Variants in GNAI1 observed in about 807,000 individuals in gnomAD.
GNAI1 encodes the protein G protein subunit alpha i1, also known as guanine nucleotide-binding protein G(i) subunit alpha-1.
In GNAI1, 11 loss-of-function variants were observed where a neutral mutation model predicts 38.9. That is an observed-to-expected ratio of 0.28 (90% confidence interval 0.18 to 0.47). The LOEUF (loss-of-function observed/expected upper bound fraction) is 0.47, where lower values mean the gene tolerates loss of function less well. Among genes scored for constraint, GNAI1 ranks in the 20% least tolerant of loss-of-function variants. The probability of loss-of-function intolerance (pLI) is 0.99; values close to 1 mark genes in which losing one functional copy is unlikely to be tolerated. For missense variants in GNAI1, 317 were observed against 436.9 expected (o/e 0.73, Z 2.45); for synonymous variants, 166 against 145.1 (o/e 1.14, Z -1.04).
At chr7:80,148,696 G>T (rs926948312) in intron 1 of GNAI1, among the ~76,000 whole-genome samples, 3 of 151,998 alleles carry the variant, frequency 2.0e-5, no homozygotes, top group Non-Finnish European at 4.4e-5. Flanking sequence ...TTTTAGAATT[G>T]AATGGTTGTG....
Position 80,135,237 on chromosome 7 carries a change from A to G in GNAI1, c.77A>G (p.Asp26Gly). Reference sequence around the variant, plus strand: ...ATGATCGACCGCAACCTCCGTGAGGACGGCGAGAAGGCGGCGCGCGAGGTC... The same window carrying G: ...ATGATCGACCGCAACCTCCGTGAGGGCGGCGAGAAGGCGGCGCGCGAGGTC... The part of the protein sequence containing the change: ...SKMIDRNLRE[D>G]GEKAAREVKL... The change falls in exon 1 of 8, where the codon GAC (aspartate) becomes GGC (glycine). Residue 26 changes from aspartate (D) to glycine (G), a missense_variant. Coordinates refer to ENST00000649796, the MANE Select transcript of GNAI1 (RefSeq NM_002069.6). The G allele has an allele frequency of 6.5e-7, 1 of 1,541,992 alleles. No individual in the cohort carries two copies. The highest frequency in any genetic ancestry group is 1.9e-5 in the Admixed American group (1 of 52,942).
chr7:80,146,811 T>C (rs1319017251), intron 1 of GNAI1, among the ~76,000 whole-genome samples: 2 of 152,214 alleles, frequency 1.3e-5, no homozygotes, highest in Admixed American at 6.5e-5. Flanking sequence ...CCTATCACTT[T>C]ATCAGTAAGG....
At chr7:80,186,493 T>G (rs1048199872) in intron 1 of GNAI1, among the ~76,000 whole-genome samples, 8 of 150,426 alleles carry the variant, frequency 5.3e-5, no homozygotes, top group Non-Finnish European at 1.2e-4. Context: ...GGAAAATTTG[T>G]TTTTTTTTCT....
At chr7:80,185,573 C>T (rs1788372084) in intron 1 of GNAI1, among the ~76,000 whole-genome samples, 1 of 152,110 alleles carries the variant, frequency 6.6e-6, no homozygotes, top group South Asian at 2.1e-4. Context: ...AAACGCTAGC[C>T]CCAAACTCCT....
At chr7:80,135,531 C>G (rs937740387) in intron 1 of GNAI1, 149 of 388,572 alleles carry the variant, frequency 3.8e-4, no homozygotes, top group Admixed American at 1.3e-3. Flanking sequence ...TTTCGTGCGA[C>G]CCAGCAAAGA....
chr7:80,216,578 G>A (rs1788973138), intron 7 of GNAI1, among the ~76,000 whole-genome samples: 1 of 152,116 alleles, frequency 6.6e-6, no homozygotes, highest in South Asian at 2.1e-4. Flanking sequence ...ATTAATTCAT[G>A]TTACTGAGTA....
intron 4 of GNAI1, among the ~76,000 whole-genome samples, chr7:80,201,129 G>T (rs960547051): frequency 6.6e-6 from 1 of 152,204 alleles, no homozygotes; most frequent in African/African-American, 2.4e-5. Flanking sequence ...TCATAAACCA[G>T]ACATCACAGA....
At chr7:80,196,942 C>G (rs1329510411) in intron 3 of GNAI1, among the ~76,000 whole-genome samples, 1 of 151,802 alleles carries the variant, frequency 6.6e-6, no homozygotes, top group African/African-American at 2.4e-5. Flanking sequence ...CAGTTAAAAC[C>G]TGTTTAACAA....
At chr7:80,136,489 T>C (rs1012154971) in intron 1 of GNAI1, among the ~76,000 whole-genome samples, 1 of 152,178 alleles carries the variant, frequency 6.6e-6, no homozygotes, top group Non-Finnish European at 1.5e-5. Flanking sequence ...TGACTAAAAG[T>C]AATAATGATC....
chr7:80,142,167 G>GC (rs1787538242), intron 1 of GNAI1, among the ~76,000 whole-genome samples: 1 of 151,820 alleles, frequency 6.6e-6, no homozygotes, highest in African/African-American at 2.4e-5. Context: ...TTTAGCCTCT[G>GC]CCCATTGCCC....
At chr7:80,194,682 CTAAT>C (rs1255917996) in intron 3 of GNAI1, among the ~76,000 whole-genome samples, 1 of 152,024 alleles carries the variant, frequency 6.6e-6, no homozygotes, top group Non-Finnish European at 1.5e-5. Flanking sequence ...AGGTGGCTAT[CTAAT>C]TATCACCAGT....
intron 1 of GNAI1, among the ~76,000 whole-genome samples, chr7:80,158,221 G>T (rs544752533): frequency 3.9e-5 from 6 of 152,210 alleles, no homozygotes; most frequent in African/African-American, 1.4e-4. Context: ...ATTTTTTCTC[G>T]TATAAAGTTT....
chr7:80,167,351 T>G (rs1268592466), intron 1 of GNAI1, among the ~76,000 whole-genome samples: 1 of 152,186 alleles, frequency 6.6e-6, no homozygotes, highest in African/African-American at 2.4e-5. Context: ...TTTTCTGTGC[T>G]TAAGATGGTG....
At chr7:80,175,362 T>TTG (rs1788163900) in intron 1 of GNAI1, among the ~76,000 whole-genome samples, 1 of 137,018 alleles carries the variant, frequency 7.3e-6, no homozygotes, top group South Asian at 2.4e-4. Flanking sequence ...ATGTGTATAT[T>TTG]TATGTGTGTG....
intron 5 of GNAI1, among the ~76,000 whole-genome samples, chr7:80,208,223 C>CT (rs2115698044): frequency 6.6e-6 from 1 of 152,154 alleles, no homozygotes; most frequent in South Asian, 2.1e-4. Context: ...GGTTTAAACT[C>CT]TTATCTTTTT....
At chr7:80,135,302 C>A in intron 1 of GNAI1, 24 bp downstream of exon 1, 1 of 1,275,198 alleles carries the variant, frequency 7.8e-7, no homozygotes, top group Non-Finnish European at 1.0e-6. Context: ...GGTCGGGGCC[C>A]GGGGGTCGGC....
chr7:80,145,178 TA>T (rs558071396), intron 1 of GNAI1, among the ~76,000 whole-genome samples: 14 of 152,238 alleles, frequency 9.2e-5, no homozygotes, highest in African/African-American at 9.6e-5. Flanking sequence ...ATTTTTAATC[TA>T]TTTTTTTATT....
At chr7:80,211,205 C>T (rs1788867419) in intron 6 of GNAI1, 107 bp downstream of exon 6, 1 of 901,854 alleles carries the variant, frequency 1.1e-6, no homozygotes, top group Non-Finnish European at 1.7e-6. Flanking sequence ...AGGGTCTTTC[C>T]TCTAACTTTT....
intron 1 of GNAI1, among the ~76,000 whole-genome samples, chr7:80,163,408 G>A (rs930292535): frequency 6.6e-6 from 1 of 152,076 alleles, no homozygotes; most frequent in Non-Finnish European, 1.5e-5. Flanking sequence ...TAATAAGATG[G>A]TCTGTTCGTA....
Sources: gnomAD v4.1 joint callset for allele counts (sites outside exome capture counted in the v4.1 genomes callset) on GRCh38, gnomAD v4.1.1 for gene constraint, MANE v1.5 for transcripts, NCBI Gene and HGNC (gene_info 2026-07-23, HGNC 2026-07-21) for gene names.